Variants in RNF13 observed in about 807,000 individuals in gnomAD.
RNF13 encodes E3 ubiquitin-protein ligase RNF13.
Under a neutral mutation model 37.7 loss-of-function variants are expected in RNF13, and 19 were observed. The observed-to-expected ratio is 0.50, with a 90% CI of 0.35 to 0.74. The LOEUF is 0.74. Ranked by LOEUF, RNF13 falls within the 30% of genes least tolerant of loss-of-function variation. The pLI is 0.01. For missense variants in RNF13, 375 were observed against 453.0 expected, an observed-to-expected ratio of 0.83 and a Z score of 1.56; for synonymous variants, 144 against 157.8, an observed-to-expected ratio of 0.91 and a Z score of 0.65.
At chr3:149,818,400 AG>A (rs1368285032) in intron 1 of RNF13, among the ~76,000 whole-genome samples, 1 of 152,218 alleles carries the variant, frequency 6.6e-6, no homozygotes, top group Non-Finnish European at 1.5e-5. Context: ...ATTTGAAGGA[AG>A]GGACCATGTC....
At chr3:149,944,712 C>G (rs1400142148) in intron 8 of RNF13, among the ~76,000 whole-genome samples, 2 of 152,140 alleles carry the variant, frequency 1.3e-5, no homozygotes, top group African/African-American at 2.4e-5. Context: ...GATATTAGCC[C>G]TTTGTCAGAT....
At chr3:149,960,174 G>A (rs1333132435) in intron 9 of RNF13, 38 bp downstream of exon 9, 2 of 1,325,668 alleles carry the variant, frequency 1.5e-6, no homozygotes, top group Non-Finnish European at 2.2e-6. Context: ...TTTACATATA[G>A]TAATTTATAT....
At chr3:149,893,249 T>A (rs1197142850) in intron 4 of RNF13, among the ~76,000 whole-genome samples, 1 of 152,262 alleles carries the variant, frequency 6.6e-6, no homozygotes, top group African/African-American at 2.4e-5. Flanking sequence ...TTCTAACATG[T>A]TGCATGTTTG....
Position 149,857,678 on chromosome 3 carries a change from C to T in RNF13, c.195+5082C>T, listed in dbSNP as rs1332326820. Among the ~76,000 whole-genome samples the T allele has an allele frequency of 2.0e-5, 3 of 152,218 alleles. No individual in the cohort carries two copies. The East Asian group carries it at 5.8e-4, about 29-fold the overall frequency. ...AATGTTACTTAGCAGTATAAATATA[C>T]TTTCCTACGTCCTCAAAAAATTGGT... On this transcript the variant is annotated intron_variant, in intron 3 of 9. Transcript: ENST00000392894.
At chr3:149,922,607 A>C (rs1205878332) in intron 8 of RNF13, among the ~76,000 whole-genome samples, 1 of 152,198 alleles carries the variant, frequency 6.6e-6, no homozygotes, top group Non-Finnish European at 1.5e-5. Context: ...CCCACAATAT[A>C]ACACTGTATA....
chr3:149,906,892 A>G (rs980338198), intron 6 of RNF13, among the ~76,000 whole-genome samples: 2 of 152,080 alleles, frequency 1.3e-5, no homozygotes, highest in Non-Finnish European at 2.9e-5. Flanking sequence ...GACTCAAGCA[A>G]TCTGTCCGCC....
intron 8 of RNF13, among the ~76,000 whole-genome samples, chr3:149,923,225 CATT>C (rs1306266617): frequency 1.3e-5 from 2 of 152,002 alleles, no homozygotes; most frequent in Non-Finnish European, 2.9e-5. Context: ...TTTACATTAT[CATT>C]ATACAGTGTG....
rs1414977086 is a variant in RNF13 at position 149,889,286 on chromosome 3, A to AGTGCGT, written c.322-6184_322-6183insCGTGTG. On this transcript the variant is annotated intron_variant, in intron 4 of 9. Coordinates refer to ENST00000392894, the MANE Select transcript of RNF13 (RefSeq NM_183381.3). ...TTAATGTGCTGAAAATCTGAATTTG[A>AGTGCGT]GTGTGCGTGTGTGTGTGTGTGTGTG... 2.4e-4 allele frequency among the ~76,000 whole-genome samples: 11 copies of AGTGCGT among 45,388 alleles called. No homozygotes were observed. In the East Asian group the frequency reaches 5.6e-3, roughly 23 times the overall value. 29.8% of individuals were successfully genotyped at this position (45,388 alleles called of 152,430 possible). A position where few individuals can be genotyped will look rare whatever the true frequency, so the allele number is the denominator to read the frequency against.
At chr3:149,836,974 G>A (rs1721686810) in intron 1 of RNF13, among the ~76,000 whole-genome samples, 1 of 152,202 alleles carries the variant, frequency 6.6e-6, no homozygotes, top group African/African-American at 2.4e-5. Context: ...AATTGTGCTT[G>A]CCAATGGCCA....
At chr3:149,929,761 T>C (rs892180413) in intron 8 of RNF13, among the ~76,000 whole-genome samples, 1 of 152,168 alleles carries the variant, frequency 6.6e-6, no homozygotes, top group African/African-American at 2.4e-5. Flanking sequence ...AATCTACTTG[T>C]TCCAGCATTA....
At chr3:149,887,535 A>G (rs1714188743) in intron 4 of RNF13, among the ~76,000 whole-genome samples, 1 of 152,134 alleles carries the variant, frequency 6.6e-6, no homozygotes, top group Non-Finnish European at 1.5e-5. Flanking sequence ...CCTGGAATCA[A>G]ACAATCCTAC....
rs1213922755 is a variant in RNF13, at chr3:149,846,079, T to C, written c.53T>C (p.Ile18Thr). ...LMLSATQVYT[I>T]LTVQLFAFLN... Reference sequence around the variant, plus strand: ...CTGTCAGCCACACAAGTCTACACCATCTTGACTGTCCAGCTCTTTGCATTC... The same window carrying C: ...CTGTCAGCCACACAAGTCTACACCACCTTGACTGTCCAGCTCTTTGCATTC... Residue 18 changes from isoleucine to threonine, a missense_variant, in exon 2 of 10, where the codon ATC becomes ACC. Transcript: ENST00000392894. 1.9e-6 allele frequency: 3 copies of C among 1,612,924 alleles called. No homozygotes were observed. The highest frequency in any genetic ancestry group is 2.5e-6 in the Non-Finnish European group (3 of 1,179,916).
intron 4 of RNF13, among the ~76,000 whole-genome samples, chr3:149,878,244 T>C (rs1712975110): frequency 6.6e-6 from 1 of 152,144 alleles, no homozygotes; most frequent in Admixed American, 6.5e-5. Context: ...CAATAAAATG[T>C]ATTAAAATCA....
At chr3:149,845,805 A>G (rs1722587947) in intron 1 of RNF13, 1 of 433,462 alleles carries the variant, frequency 2.3e-6, no homozygotes, top group East Asian at 3.8e-5. Flanking sequence ...CATGAGTTAC[A>G]TAGGTATTGA....
intron 3 of RNF13, 29 bp from the exon 4 acceptor site, chr3:149,872,000 A>T: frequency 6.4e-7 from 1 of 1,563,996 alleles, no homozygotes; most frequent in Non-Finnish European, 8.6e-7. Flanking sequence ...AGTGAAACAG[A>T]GAGATAATTT....
chr3:149,892,524 C>T (rs913427937), intron 4 of RNF13, among the ~76,000 whole-genome samples: 1 of 152,144 alleles, frequency 6.6e-6, no homozygotes, highest in African/African-American at 2.4e-5. Context: ...GGTCCCCAAG[C>T]CCCCAGCCGT....
At chr3:149,855,101 A>G (rs1723516256) in intron 3 of RNF13, among the ~76,000 whole-genome samples, 1 of 152,118 alleles carries the variant, frequency 6.6e-6, no homozygotes, top group African/African-American at 2.4e-5. Flanking sequence ...AGGTGGGTAG[A>G]TCACTTCAGG....
At chr3:149,886,227 T>A (rs1197054062) in intron 4 of RNF13, among the ~76,000 whole-genome samples, 2 of 152,204 alleles carry the variant, frequency 1.3e-5, no homozygotes, top group Non-Finnish European at 2.9e-5. Context: ...TTTTGTGGTT[T>A]CATATAAATT....
rs59998777 is a variant in RNF13 at position 149,914,662 on chromosome 3, C to A, written c.606+2579C>A. Among the ~76,000 whole-genome samples the A allele has an allele frequency of 3.3e-3, 503 of 152,122 alleles. 3 individuals carry two copies. Among genetic ancestry groups the A allele is most frequent in the African/African-American group, 0.011 (465 of 41,496 alleles). On this transcript the variant is annotated intron_variant, in intron 7 of 9. Transcript: ENST00000392894. ...AACTCAAGAACAGCGGGGCCGGGTG[C>A]GGTGGCTCACACCTGTAATCCCAGC...
Sources: allele counts gnomAD v4.1 joint callset (sites outside exome capture counted in the v4.1 genomes callset), GRCh38; gene constraint gnomAD v4.1.1; transcripts MANE v1.5; gene names NCBI Gene and HGNC (gene_info 2026-07-23, HGNC 2026-07-21).